MAP4: variants seen among roughly 807,000 people sequenced by gnomAD.
The protein encoded by MAP4 is microtubule-associated protein 4.
A neutral mutation model predicts 170.2 loss-of-function variants in MAP4; 76 were observed. The ratio of observed to expected loss-of-function variants is 0.45; its 90% CI spans 0.37 to 0.54. The LOEUF is 0.54. Among genes scored for constraint, MAP4 ranks in the 20% least tolerant of loss-of-function variants. The pLI is 0.00. For missense variants in MAP4, 2,506 were observed against 2,748.0 expected (o/e 0.91, Z 1.97); for synonymous variants, 909 against 994.5 (o/e 0.91, Z 1.62).
chr3:47,889,889 C>CGTGTTTTTTATCTCCATAAAAAACAAAAA (rs2098268148), intron 10 of MAP4, among the ~76,000 whole-genome samples: 4 of 150,328 alleles, frequency 2.7e-5, no homozygotes, highest in African/African-American at 7.4e-5. Context: ...CATAAAAAAA[C>CGTGTTTTTTATCTCCATAAAAAACAAAAA]GTGTTTTTTA....
intron 5 of MAP4, among the ~76,000 whole-genome samples, chr3:47,919,189 C>T (rs1156829542): frequency 1.3e-5 from 2 of 152,118 alleles, no homozygotes; most frequent in Non-Finnish European, 2.9e-5. Flanking sequence ...CCTCGGCCTC[C>T]CAAAGTGCTG....
intron 5 of MAP4, among the ~76,000 whole-genome samples, chr3:47,921,228 C>G (rs1489611417): frequency 6.6e-6 from 1 of 152,118 alleles, no homozygotes; most frequent in Non-Finnish European, 1.5e-5. Flanking sequence ...CTTGTCACAC[C>G]CACAGCCCCT....
intron 5 of MAP4, among the ~76,000 whole-genome samples, 158 bp downstream of exon 5, chr3:47,921,607 A>C (rs1214758711): frequency 6.6e-6 from 1 of 152,192 alleles, no homozygotes; most frequent in Admixed American, 6.5e-5. Flanking sequence ...CTCATTCCCT[A>C]GGTACCTCTC....
intron 1 of MAP4, among the ~76,000 whole-genome samples, chr3:48,044,553 A>G (rs982526521): frequency 6.6e-6 from 1 of 151,816 alleles, no homozygotes; most frequent in Non-Finnish European, 1.5e-5. Context: ...ACTTGAGGTC[A>G]GGAGTTCGAG....
intron 4 of MAP4, 110 bp downstream of exon 4, chr3:47,928,118 C>A: frequency 7.5e-7 from 1 of 1,330,422 alleles, no homozygotes; most frequent in South Asian, 1.4e-5. Context: ...TAAGGTTGTA[C>A]TTTGTGATCT....
At chr3:47,976,041 C>T (rs1487334323) in intron 3 of MAP4, among the ~76,000 whole-genome samples, 2 of 152,188 alleles carry the variant, frequency 1.3e-5, no homozygotes, top group Admixed American at 6.5e-5. Flanking sequence ...CCGCCCGCCT[C>T]GGTCTCCCAA....
At position 47,852,201 on chromosome 3, in the gene MAP4, C is replaced by T. The variant is rs2043649300; in HGVS notation, c.*733G>A. Reference sequence around the variant, plus strand: ...CACTTACTGAGGACTTTCATGTAGACATGGCTTCAACCTGCAGAACTATTT... The same window carrying T: ...CACTTACTGAGGACTTTCATGTAGATATGGCTTCAACCTGCAGAACTATTT... On this transcript the variant is annotated 3_prime_UTR_variant, in exon 21 of 21. Coordinates refer to ENST00000683076, the MANE Select transcript of MAP4 (RefSeq NM_001385682.1). 1 of 153,324 alleles carries T rather than the reference C, an allele frequency of 6.5e-6. No homozygotes were observed. The highest frequency in any genetic ancestry group is 6.5e-5 in the Admixed American group (1 of 15,448). The allele number at this position is 153,324 out of a possible 1,614,324, so 9.5% of individuals were successfully genotyped here.
In MAP4 at chr3:47,943,340, G is replaced by A. The variant is rs1282280818; in HGVS notation, c.293-14990C>T. Among the ~76,000 whole-genome samples the A allele has an allele frequency of 2.0e-5, 3 of 152,092 alleles. No individual in the cohort carries two copies. The East Asian group carries it at 5.8e-4, about 29-fold the overall frequency. On this transcript the variant is annotated intron_variant, in intron 3 of 20. Coordinates refer to ENST00000683076, the MANE Select transcript of MAP4 (RefSeq NM_001385682.1). ...TAAAATAATATTTTAGGCCAGATGC[G>A]GTGGCTCATGCCTGTAATCCCAGCA...
chr3:47,898,945 G>A (rs1031786745), intron 10 of MAP4, among the ~76,000 whole-genome samples: 3 of 152,118 alleles, frequency 2.0e-5, no homozygotes, highest in Non-Finnish European at 2.9e-5. Context: ...GAGCGACAGA[G>A]ACCTTGTTTA....
At chr3:48,061,799 C>A (rs541566246) in intron 1 of MAP4, among the ~76,000 whole-genome samples, 44 of 151,432 alleles carry the variant, frequency 2.9e-4, no homozygotes, top group Middle Eastern at 3.4e-3. Flanking sequence ...AGGTGGGGGG[C>A]AGCCCCCACC....
intron 1 of MAP4, among the ~76,000 whole-genome samples, chr3:48,087,751 A>ACACACACACGCGCGCG (rs1559930177): frequency 7.5e-6 from 1 of 134,106 alleles, no homozygotes; most frequent in Admixed American, 7.4e-5. Flanking sequence ...ACGCGCACAC[A>ACACACACACGCGCGCG]CACACACACA....
Position 47,870,954 on chromosome 3 carries a change from C to T in MAP4, c.6153G>A (p.Lys2051=), listed in dbSNP as rs747415177. Residue 2051 remains lysine, a synonymous_variant, in exon 15 of 21, where the codon AAG becomes AAA. Transcript: ENST00000683076. ...SRPSTTPFID[K]KPTSAKPSST... is the part of the protein sequence containing the mutation. ...AGCTGGGTTTGGCCGAGGTGGGCTT[C>T]TTGTCTATGAAAGGAGTTGTGGAGG... 1 of 1,614,058 alleles carries T rather than the reference C, an allele frequency of 6.2e-7. No homozygotes were observed. Among genetic ancestry groups the T allele is most frequent in the Non-Finnish European group, 8.5e-7 (1 of 1,179,968 alleles).
At chr3:47,904,456 C>T (rs937632101) in intron 9 of MAP4, among the ~76,000 whole-genome samples, 2 of 151,716 alleles carry the variant, frequency 1.3e-5, no homozygotes, top group Non-Finnish European at 2.9e-5. Context: ...GGATTACAGG[C>T]GTGCGCTGTC....
intron 1 of MAP4, among the ~76,000 whole-genome samples, chr3:48,043,434 GTA>G (rs1009174447): frequency 6.6e-6 from 1 of 152,010 alleles, no homozygotes; most frequent in African/African-American, 2.4e-5. Flanking sequence ...GAATGGTATG[GTA>G]TATAAAATAT....
In MAP4 at chr3:47,916,495, T is replaced by C; in HGVS notation, c.1332A>G (p.Val444=). The change falls in exon 7 of 21, where the codon GTA becomes GTG. Residue 444 remains valine (V), a synonymous_variant. Transcript: ENST00000683076. Reference sequence around the variant, plus strand: ...GCAGTGTCATGTCCCTGGCCAGGGCTACCTCTGTTTCTGAGGACAAAGCCA... The same window carrying C: ...GCAGTGTCATGTCCCTGGCCAGGGCCACCTCTGTTTCTGAGGACAAAGCCA... ...EKVALSSETE[V]ALARDMTLPP... is the part of the protein sequence containing the mutation. 6.2e-7 allele frequency: 1 copy of C among 1,614,218 alleles called. No homozygotes were observed. Among genetic ancestry groups the C allele is most frequent in the Non-Finnish European group, 8.5e-7 (1 of 1,180,024 alleles).
At chr3:47,978,728 A>G (rs1578676036) in intron 2 of MAP4, among the ~76,000 whole-genome samples, 1 of 140,676 alleles carries the variant, frequency 7.1e-6, no homozygotes, top group Non-Finnish European at 1.5e-5. Context: ...GAAGCAGAGG[A>G]CTCCTTTTTT....
Position 47,909,076 on chromosome 3 carries a change from A to G in MAP4, c.5345T>C (p.Ile1782Thr), listed in dbSNP as rs1343654654. The change falls in exon 9 of 21, where the codon ATC becomes ACC. Residue 1782 changes from isoleucine (I) to threonine (T), a missense_variant. Physicochemically the swap from Ile to Thr is moderately conservative, Grantham distance 89. Transcript: ENST00000683076. ...GLTPLLPKST[I>T]QEQERHKQLK... The stretch of plus-strand genomic sequence containing the variant: ...TTGCTTATGTCTCTCTTGTTCCTGG[A>G]TTGTAGACTTTGGCAAAAGTGGAGT... 6.2e-7 allele frequency: 1 copy of G among 1,613,886 alleles called. No homozygotes were observed. Among genetic ancestry groups the G allele is most frequent in the Admixed American group, 1.7e-5 (1 of 60,014 alleles).
intron 1 of MAP4, among the ~76,000 whole-genome samples, chr3:48,063,341 C>T (rs930166938): frequency 1.3e-5 from 2 of 151,090 alleles, no homozygotes; most frequent in Non-Finnish European, 2.9e-5. Flanking sequence ...GACGCTAAGC[C>T]AAGAGGATTG....
At chr3:47,951,700 C>T (rs1159077920) in intron 3 of MAP4, among the ~76,000 whole-genome samples, 1 of 152,142 alleles carries the variant, frequency 6.6e-6, no homozygotes, top group Non-Finnish European at 1.5e-5. Flanking sequence ...CGGCTCGCTA[C>T]AACCTCCACC....
Sources: allele counts gnomAD v4.1 joint callset (sites outside exome capture counted in the v4.1 genomes callset), GRCh38; gene constraint gnomAD v4.1.1; transcripts MANE v1.5; gene names NCBI Gene and HGNC (gene_info 2026-07-23, HGNC 2026-07-21).